LOC128092252: variants seen among roughly 807,000 people sequenced by gnomAD.
At chr15:50,679,538 A>ATATATATATTT in the LOC128092252 span, among the ~76,000 whole-genome samples, 22 of 43,898 alleles carry the variant, frequency 5.0e-4, no homozygotes, top group African/African-American at 2.3e-3. Flanking sequence ...ATATATATAT[A>ATATATATATTT]TTTTTTTTTT....
At chr15:50,676,704 A>G in the LOC128092252 span, among the ~76,000 whole-genome samples, 1 of 152,108 alleles carries the variant, frequency 6.6e-6, no homozygotes, top group Non-Finnish European at 1.5e-5. Flanking sequence ...TTTTTGCCTG[A>G]AAACAGTCCC....
the LOC128092252 span, among the ~76,000 whole-genome samples, chr15:50,664,564 A>G: frequency 1.3e-5 from 2 of 152,186 alleles, no homozygotes; most frequent in African/African-American, 4.8e-5. Context: ...GATTAACCAA[A>G]TAAAAGTTTC....
the LOC128092252 span, among the ~76,000 whole-genome samples, chr15:50,679,511 A>AAT: frequency 2.4e-3 from 182 of 75,416 alleles, no homozygotes; most frequent in South Asian, 7.9e-3. Context: ...GTATATATAT[A>AAT]ATATATATAT....
At chr15:50,659,692 G>A in the LOC128092252 span, among the ~76,000 whole-genome samples, 1 of 151,068 alleles carries the variant, frequency 6.6e-6, no homozygotes, top group African/African-American at 2.4e-5. Flanking sequence ...TTTTGAGATG[G>A]AGTCTCACTC....
At chr15:50,658,171 A>AT in the LOC128092252 span, among the ~76,000 whole-genome samples, 1 of 151,816 alleles carries the variant, frequency 6.6e-6, no homozygotes, top group Admixed American at 6.6e-5. Flanking sequence ...TGCCCGGCTA[A>AT]TTTTTTTGCA....
chr15:50,657,785 C>T, the LOC128092252 span: 21 of 1,610,956 alleles, frequency 1.3e-5, no homozygotes, highest in Middle Eastern at 5.0e-4. Flanking sequence ...ACTTACCTGA[C>T]GAGTTGCTGA....
At chr15:50,655,267 C>T in the LOC128092252 span, among the ~76,000 whole-genome samples, 2 of 151,476 alleles carry the variant, frequency 1.3e-5, no homozygotes, top group African/African-American at 2.4e-5. Flanking sequence ...AATCCCATCT[C>T]TACTAATAAT....
At chr15:50,686,659 G>C in the LOC128092252 span, 1 of 1,369,130 alleles carries the variant, frequency 7.3e-7, no homozygotes, top group South Asian at 1.4e-5. Context: ...GAACGCCCAG[G>C]GAAACCTTCT....
chr15:50,682,173 C>CAAAAAAAAAAAAAAAAAAAAAAAA, the LOC128092252 span, among the ~76,000 whole-genome samples: 10 of 63,678 alleles, frequency 1.6e-4, no homozygotes, highest in Non-Finnish European at 2.2e-4. Flanking sequence ...AACTCAGTCT[C>CAAAAAAAAAAAAAAAAAAAAAAAA]AAAAAAAAAA....
the LOC128092252 span, among the ~76,000 whole-genome samples, chr15:50,677,987 C>A: frequency 1.3e-5 from 2 of 151,990 alleles, no homozygotes; most frequent in East Asian, 3.9e-4. Flanking sequence ...TGCCTATAAT[C>A]CCAGCACTTT....
the LOC128092252 span, among the ~76,000 whole-genome samples, chr15:50,680,034 G>C: frequency 6.6e-6 from 1 of 151,980 alleles, no homozygotes; most frequent in African/African-American, 2.4e-5. Context: ...AGGAGTTCGA[G>C]ACCAGCCTGG....
the LOC128092252 span, among the ~76,000 whole-genome samples, chr15:50,678,261 AAACAAAAAC>A: frequency 6.8e-6 from 1 of 148,132 alleles, no homozygotes; most frequent in African/African-American, 2.5e-5. Flanking sequence ...ACAAAAACAA[AAACAAAAAC>A]AAAAACAAAA....
At chr15:50,672,602 T>G in the LOC128092252 span, among the ~76,000 whole-genome samples, 1 of 151,760 alleles carries the variant, frequency 6.6e-6, no homozygotes, top group African/African-American at 2.4e-5. Flanking sequence ...GTAAAATAAT[T>G]TTAAAATGTT....
the LOC128092252 span, among the ~76,000 whole-genome samples, chr15:50,683,452 A>C: frequency 6.6e-6 from 1 of 151,538 alleles, no homozygotes; most frequent in African/African-American, 2.4e-5. Context: ...AAAAAAAAAG[A>C]AGCCAGGGTC....
At chr15:50,668,297 TA>T in the LOC128092252 span, among the ~76,000 whole-genome samples, 1 of 152,228 alleles carries the variant, frequency 6.6e-6, no homozygotes, top group African/African-American at 2.4e-5. Flanking sequence ...TGAATTAATG[TA>T]AGACTCATCT....
chr15:50,655,577 GA>G, the LOC128092252 span, among the ~76,000 whole-genome samples: 1,324 of 148,492 alleles, frequency 8.9e-3, 20 homozygotes, highest in African/African-American at 0.03. Context: ...CAAAGGAATA[GA>G]AAAAAAAAAT....
chr15:50,681,932 A>G, the LOC128092252 span, among the ~76,000 whole-genome samples: 1 of 152,198 alleles, frequency 6.6e-6, no homozygotes, highest in African/African-American at 2.4e-5. Context: ...CTGTAATCCC[A>G]GCACTTTGGG....
the LOC128092252 span, chr15:50,663,138 T>A: frequency 3.9e-6 from 4 of 1,014,060 alleles, no homozygotes; most frequent in Non-Finnish European, 4.4e-6. Flanking sequence ...CAGTTCTTTT[T>A]TTTTTTTGAG....
At chr15:50,669,126 A>G in the LOC128092252 span, among the ~76,000 whole-genome samples, 2 of 152,124 alleles carry the variant, frequency 1.3e-5, no homozygotes, top group African/African-American at 4.8e-5. Flanking sequence ...TTGAGGGTAC[A>G]AACCCACAGC....
Sources: allele counts gnomAD v4.1 joint callset (sites outside exome capture counted in the v4.1 genomes callset), GRCh38; gene constraint gnomAD v4.1.1; transcripts MANE v1.5.